DLGAP4: variants seen among roughly 807,000 people sequenced by gnomAD.
DLGAP4 encodes disks large-associated protein 4.
Under a neutral mutation model 86.9 loss-of-function variants are expected in DLGAP4, and 18 were observed. The ratio of observed to expected loss-of-function variants is 0.21; its 90% CI spans 0.14 to 0.31. The LOEUF is 0.31. Among genes scored for constraint, DLGAP4 ranks in the 10% least tolerant of loss-of-function variants. DLGAP4 has a pLI of 1.00. For synonymous variants in DLGAP4, 548 were observed against 574.3 expected (o/e 0.95, Z 0.65); for missense variants, 1,085 against 1,362.6 (o/e 0.80, Z 3.21).
At chr20:36,381,578 G>A (rs1246350900) in intron 2 of DLGAP4, among the ~76,000 whole-genome samples, 4 of 152,182 alleles carry the variant, frequency 2.6e-5, no homozygotes, top group Non-Finnish European at 5.9e-5. Flanking sequence ...TGGGGACCTA[G>A]CAGTGAACAA....
chr20:36,349,541 G>T (rs1371820857), intron 1 of DLGAP4, among the ~76,000 whole-genome samples: 4 of 152,162 alleles, frequency 2.6e-5, no homozygotes, highest in African/African-American at 9.7e-5. Context: ...ATGGAAAGGG[G>T]GCTCTGAGAA....
At chr20:36,407,215 C>A (rs2032349962) in intron 2 of DLGAP4, among the ~76,000 whole-genome samples, 1 of 152,098 alleles carries the variant, frequency 6.6e-6, no homozygotes, top group East Asian at 1.9e-4. Context: ...GTGACACATG[C>A]CTGTAATCTC....
Position 36,461,494 on chromosome 20 carries a change from C to T in DLGAP4, c.1648+14557C>T. 9.2e-6 allele frequency: 9 copies of T among 982,240 alleles called. No homozygotes were observed. In the South Asian group the frequency reaches 2.7e-4, roughly 30 times the overall value. The allele number at this position is 982,240 out of a possible 1,614,324, so 60.8% of individuals were successfully genotyped here. A position where few individuals can be genotyped will look rare whatever the true frequency, so the allele number is the denominator to read the frequency against. On this transcript the variant is annotated intron_variant, in intron 7 of 12. Transcript: ENST00000339266. ...TACAAAACCGGAGCCTCGGGCCGGG[C>T]TGCGTGAGGGAGGAGGGTGAGTGCC...
chr20:36,400,853 G>C (rs2032137732), intron 2 of DLGAP4, among the ~76,000 whole-genome samples: 2 of 152,150 alleles, frequency 1.3e-5, no homozygotes, highest in African/African-American at 4.8e-5. Flanking sequence ...TGAAAACCAG[G>C]TGCGGAGTTT....
At chr20:36,410,156 T>C (rs2032457889) in intron 2 of DLGAP4, among the ~76,000 whole-genome samples, 1 of 152,222 alleles carries the variant, frequency 6.6e-6, no homozygotes, top group South Asian at 2.1e-4. Flanking sequence ...GACCCCTCTT[T>C]TAGAGGATTG....
intron 7 of DLGAP4, among the ~76,000 whole-genome samples, chr20:36,486,205 A>G (rs1401314108): frequency 6.6e-6 from 1 of 152,152 alleles, no homozygotes; most frequent in East Asian, 1.9e-4. Flanking sequence ...TAAGATACTC[A>G]AGGTCCCCAC....
In DLGAP4 at chr20:36,500,317, C is replaced by A; in HGVS notation, c.2218C>A (p.Pro740Thr). 6.2e-7 allele frequency: 1 copy of A among 1,614,064 alleles called. No individual in the cohort carries two copies. The highest frequency in any genetic ancestry group is 8.5e-7 in the Non-Finnish European group (1 of 1,179,942). ...GAGCCTCCCGGACTGTACCCCTCAC[C>A]CCAACTCCATCAGCATCGATGCCGG... ...ERSLPDCTPH[P>T]NSISIDAGPR... Residue 740 changes from proline to threonine, a missense_variant, in exon 10 of 13, where the codon CCC becomes ACC. Coordinates refer to ENST00000339266, the MANE Select transcript of DLGAP4 (RefSeq NM_001365621.2). The surrounding 1 kb of genome is among the most constrained non-coding windows in gnomAD (Gnocchi z 4.6).
chr20:36,440,089 C>T (rs762839707), intron 5 of DLGAP4, among the ~76,000 whole-genome samples: 1 of 152,168 alleles, frequency 6.6e-6, no homozygotes, highest in Non-Finnish European at 1.5e-5. Context: ...CAGGACCCCA[C>T]ACCACCACTG....
At chr20:36,409,130 G>A (rs1264800879) in intron 2 of DLGAP4, among the ~76,000 whole-genome samples, 1 of 149,982 alleles carries the variant, frequency 6.7e-6, no homozygotes, top group Admixed American at 6.7e-5. Context: ...CCACCTCCCG[G>A]GTTCAAGCGA....
In DLGAP4 at chr20:36,360,723, G is replaced by T. The variant is rs534837126; in HGVS notation, c.-303-6322G>T. 3.3e-5 allele frequency among the ~76,000 whole-genome samples: 5 copies of T among 151,916 alleles called. No individual in the cohort carries two copies. The South Asian group carries it at 1.0e-3, about 32-fold the overall frequency. On this transcript the variant is annotated intron_variant, in intron 1 of 12. Transcript: ENST00000339266. ...GGTGGCATGTGCTGCAGTGCCCTCA[G>T]TGGGGCGGGGCCTGAGCAGAGCATG...
At chr20:36,423,958 T>TA (rs1293279661) in intron 2 of DLGAP4, among the ~76,000 whole-genome samples, 4 of 150,640 alleles carry the variant, frequency 2.7e-5, no homozygotes, top group Non-Finnish European at 4.4e-5. Context: ...AGACTCGGTC[T>TA]AAAAAAAAAC....
chr20:36,364,797 C>T (rs1405051555), intron 1 of DLGAP4, among the ~76,000 whole-genome samples: 1 of 152,110 alleles, frequency 6.6e-6, no homozygotes, highest in African/African-American at 2.4e-5. Flanking sequence ...GCTTCCCGAC[C>T]ATTATAAAGA....
At chr20:36,405,660 C>T (rs747536841) in intron 2 of DLGAP4, among the ~76,000 whole-genome samples, 1 of 151,978 alleles carries the variant, frequency 6.6e-6, no homozygotes, top group Non-Finnish European at 1.5e-5. Flanking sequence ...GGGATCCAAC[C>T]ATCCAGAGAA....
chr20:36,438,106 G>T (rs1471115058), intron 4 of DLGAP4, among the ~76,000 whole-genome samples: 2 of 152,090 alleles, frequency 1.3e-5, no homozygotes, highest in South Asian at 2.1e-4. Context: ...AGGTGCAGTG[G>T]CTCACGCTTG....
intron 2 of DLGAP4, among the ~76,000 whole-genome samples, chr20:36,384,858 G>A (rs1211709919): frequency 1.3e-5 from 2 of 152,208 alleles, no homozygotes; most frequent in Non-Finnish European, 2.9e-5. Flanking sequence ...CTGTGTGCCA[G>A]GACCTGTACT....
intron 10 of DLGAP4, among the ~76,000 whole-genome samples, chr20:36,505,354 T>C (rs1226866675): frequency 6.6e-6 from 1 of 152,174 alleles, no homozygotes; most frequent in African/African-American, 2.4e-5. Context: ...CTCCACTTAT[T>C]TTTTTAAATT....
chr20:36,506,949 T>C (rs2036408528), intron 10 of DLGAP4, among the ~76,000 whole-genome samples: 1 of 152,224 alleles, frequency 6.6e-6, no homozygotes, highest in African/African-American at 2.4e-5. Context: ...GTATTTCACT[T>C]TGCATAATGT....
chr20:36,515,774 ACTCCT>A (rs1487701613), intron 10 of DLGAP4, among the ~76,000 whole-genome samples: 2 of 151,808 alleles, frequency 1.3e-5, no homozygotes, highest in East Asian at 3.9e-4. Flanking sequence ...TTTTGGATTA[ACTCCT>A]CTCCTCACTC....
At chr20:36,309,480 A>C (rs2065034203) in intron 1 of DLGAP4, among the ~76,000 whole-genome samples, 2 of 152,114 alleles carry the variant, frequency 1.3e-5, no homozygotes, top group African/African-American at 4.8e-5. Flanking sequence ...TGCCAACATG[A>C]CTGTCCATGT....
Sources: allele counts gnomAD v4.1 joint callset (sites outside exome capture counted in the v4.1 genomes callset), GRCh38; gene constraint gnomAD v4.1.1; non-coding constraint Gnocchi (gnomAD v3.1); transcripts MANE v1.5; gene names NCBI Gene and HGNC (gene_info 2026-07-23, HGNC 2026-07-21).